ADCY7: variants seen among roughly 807,000 people sequenced by gnomAD.
ADCY7 encodes adenylate cyclase 7, also known as adenylate cyclase type 7.
ADCY7 carries 72 observed loss-of-function variants against 120.6 expected under a neutral mutation model. The ratio of observed to expected loss-of-function variants is 0.60; its 90% CI spans 0.49 to 0.73. The LOEUF (loss-of-function observed/expected upper bound fraction) is 0.73. Among genes scored for constraint, ADCY7 ranks in the 30% least tolerant of loss-of-function variants. The pLI, the probability that ADCY7 is intolerant of heterozygous loss-of-function variation, is 0.00. For missense variants in ADCY7, 1,227 were observed against 1,486.0 expected (o/e 0.83, Z 2.87); for synonymous variants, 661 against 628.0 (o/e 1.05, Z -0.78).
At chr16:50,251,656 C>T (rs1026734377) in intron 1 of ADCY7, among the ~76,000 whole-genome samples, 8 of 152,274 alleles carry the variant, frequency 5.3e-5, no homozygotes, top group South Asian at 2.1e-4. Context: ...CCCCTGGCCA[C>T]GTTGCTGCAT....
intron 21 of ADCY7, 47 bp from the exon 22 acceptor site, chr16:50,312,843 C>A (rs1257417768): frequency 1.4e-6 from 2 of 1,412,660 alleles, no homozygotes; most frequent in Admixed American, 3.7e-5. Flanking sequence ...CTCTTCCTGT[C>A]CCCTCAAGAG....
intron 17 of ADCY7, chr16:50,309,095 G>C: frequency 2.8e-6 from 1 of 358,482 alleles, no homozygotes; most frequent in Non-Finnish European, 5.1e-6. Context: ...CCCTCTCAGG[G>C]ATGAACCCTT....
chr16:50,272,535 G>T (rs1477292381), intron 1 of ADCY7, among the ~76,000 whole-genome samples: 5 of 152,268 alleles, frequency 3.3e-5, no homozygotes, highest in African/African-American at 1.2e-4. Context: ...TGGGAGCTCT[G>T]CAGCCTTGGG....
At position 50,307,865 on chromosome 16, in the gene ADCY7, T is replaced by G. The variant is rs535776052; in HGVS notation, c.1851-462T>G. Among the ~76,000 whole-genome samples, 8 of 151,962 alleles carry G rather than the reference T, an allele frequency of 5.3e-5. No homozygotes were observed. In the East Asian group the frequency reaches 5.8e-4, roughly 11 times the overall value. ...ACAAAAATTAGCTGGGCGTGGTGGC[T>G]GGCGCCTGTAATCCCAGCTACTCGG... On this transcript the variant is annotated intron_variant, in intron 15 of 25. Transcript: ENST00000673801.
chr16:50,292,506 C>T lies in ADCY7; in HGVS notation c.538-170C>T, dbSNP rs1387312891. ...TCCTAGTGACTCACTAGGAGACTAGCTCCTGTCTGGGCCTCAGTTTCCCTG... is the reference window on the plus strand; with the variant it reads ...TCCTAGTGACTCACTAGGAGACTAGTTCCTGTCTGGGCCTCAGTTTCCCTG... On this transcript the variant is annotated intron_variant, in intron 4 of 25. Coordinates refer to ENST00000673801, the MANE Select transcript of ADCY7 (RefSeq NM_001114.5). 6.5e-6 allele frequency: 5 copies of T among 769,884 alleles called. No homozygotes were observed. In the East Asian group the frequency reaches 1.3e-4, roughly 21 times the overall value. 47.7% of individuals were successfully genotyped at this position (769,884 alleles called of 1,614,324 possible).
rs1379783647 is a variant in ADCY7, at chr16:50,316,334, CT to C, written c.*831del. ...AGAGCCTTGCCTTTGAATGAGGCAGCTTGTGAGGCAAGCATTCTGGAGAGAG... is the reference window on the plus strand; with the variant it reads ...AGAGCCTTGCCTTTGAATGAGGCAGCTGTGAGGCAAGCATTCTGGAGAGAG... On this transcript the variant is annotated 3_prime_UTR_variant, in exon 26 of 26. Coordinates refer to ENST00000673801, the MANE Select transcript of ADCY7 (RefSeq NM_001114.5). 6.6e-6 allele frequency: 1 copy of C among 152,388 alleles called. No individual in the cohort carries two copies. The highest frequency in any genetic ancestry group is 1.5e-5 in the Non-Finnish European group (1 of 68,064). 9.4% of individuals were successfully genotyped at this position (152,388 alleles called of 1,614,324 possible). A position where few individuals can be genotyped will look rare whatever the true frequency, so the allele number is the denominator to read the frequency against.
chr16:50,302,788 C>A (rs1464032369), intron 10 of ADCY7, among the ~76,000 whole-genome samples: 4 of 152,176 alleles, frequency 2.6e-5, no homozygotes, highest in South Asian at 2.1e-4. Flanking sequence ...CAGTGGCGGG[C>A]CCCATGGTCG....
chr16:50,257,662 G>A (rs770584756), intron 1 of ADCY7, among the ~76,000 whole-genome samples: 12 of 151,194 alleles, frequency 7.9e-5, no homozygotes, highest in East Asian at 3.9e-4. Flanking sequence ...CTTTAAGATC[G>A]TAACTATCCA....
chr16:50,295,855 A>G (rs1166816758), intron 7 of ADCY7, among the ~76,000 whole-genome samples: 2 of 152,008 alleles, frequency 1.3e-5, no homozygotes, highest in African/African-American at 4.8e-5. Flanking sequence ...TGAAGAAGAG[A>G]AGTGTGGGGG....
At chr16:50,272,962 C>T (rs1435194472) in intron 1 of ADCY7, among the ~76,000 whole-genome samples, 4 of 152,250 alleles carry the variant, frequency 2.6e-5, no homozygotes, top group African/African-American at 9.6e-5. Flanking sequence ...GGGGCAGGGA[C>T]CAGCACTTCT....
At chr16:50,262,284 G>A (rs1482551389), upstream of ADCY7, among the ~76,000 whole-genome samples, 1 of 150,748 alleles carries the variant, frequency 6.6e-6, no homozygotes, top group Non-Finnish European at 1.5e-5. Flanking sequence ...TTGAGACAGG[G>A]TCTCACTTTG....
intron 12 of ADCY7, 113 bp downstream of exon 12, chr16:50,305,072 T>C: frequency 2.9e-6 from 4 of 1,392,968 alleles, no homozygotes; most frequent in Non-Finnish European, 4.0e-6. Context: ...CCAGGACCTC[T>C]GTGAAGTTGG....
intron 10 of ADCY7, among the ~76,000 whole-genome samples, chr16:50,303,276 G>A (rs1181277067): frequency 3.9e-5 from 6 of 152,188 alleles, no homozygotes; most frequent in African/African-American, 1.4e-4. Context: ...TGAATTCCAC[G>A]TGGCTCCCGT....
chr16:50,286,562 T>C (rs548230116), intron 1 of ADCY7, among the ~76,000 whole-genome samples: 6 of 152,048 alleles, frequency 3.9e-5, no homozygotes, highest in East Asian at 1.9e-4. Context: ...TCCCTTCCCA[T>C]TGGGGGCCTG....
At chr16:50,308,234 G>T in intron 15 of ADCY7, 93 bp from the exon 16 acceptor site, 1 of 986,514 alleles carries the variant, frequency 1.0e-6, no homozygotes, top group Non-Finnish European at 1.5e-6. Flanking sequence ...CAGGTAGGGT[G>T]GGGACAGGTG....
intron 1 of ADCY7, among the ~76,000 whole-genome samples, chr16:50,253,841 T>C (rs1461321269): frequency 6.6e-6 from 1 of 152,184 alleles, no homozygotes; most frequent in Non-Finnish European, 1.5e-5. Flanking sequence ...TGGTGGGGAC[T>C]GGAGGCCAGA....
chr16:50,314,957 G>A, intron 24 of ADCY7, 57 bp from the exon 25 acceptor site: 11 of 1,605,300 alleles, frequency 6.9e-6, no homozygotes, highest in East Asian at 6.7e-5. Context: ...CCTCCTCTAA[G>A]GGCAGAAGCT....
chr16:50,286,540 G>GC (rs968584117), intron 1 of ADCY7, among the ~76,000 whole-genome samples: 4 of 152,074 alleles, frequency 2.6e-5, no homozygotes, highest in East Asian at 1.9e-4. Context: ...CTGAGCCTAT[G>GC]CCCCCCCACC....
At chr16:50,307,276 C>T in intron 15 of ADCY7, 129 bp downstream of exon 15, 2 of 785,058 alleles carry the variant, frequency 2.5e-6, no homozygotes, top group Non-Finnish European at 4.1e-6. Context: ...GCAACTGGAC[C>T]AGGGGCTGTG....
Sources: gnomAD v4.1 joint callset for allele counts (sites outside exome capture counted in the v4.1 genomes callset) on GRCh38, gnomAD v4.1.1 for gene constraint, MANE v1.5 for transcripts, NCBI Gene and HGNC (gene_info 2026-07-23, HGNC 2026-07-21) for gene names.